PREX2: variants seen among roughly 807,000 people sequenced by gnomAD.
The protein encoded by PREX2 is phosphatidylinositol 3,4,5-trisphosphate-dependent Rac exchanger 2 protein.
In PREX2, 107 loss-of-function variants were observed where a neutral mutation model predicts 203.2. The ratio of observed to expected loss-of-function variants is 0.53; its 90% confidence interval spans 0.45 to 0.62. The LOEUF (loss-of-function observed/expected upper bound fraction) is 0.62. Among genes scored for constraint, PREX2 ranks in the 20% least tolerant of loss-of-function variants. The pLI, the probability that PREX2 is intolerant of heterozygous loss-of-function variation, is 0.00. For synonymous variants in PREX2, 672 were observed against 663.6 expected, an observed-to-expected ratio of 1.01 and a Z score of -0.19; for missense variants, 1,777 against 1,955.9, an observed-to-expected ratio of 0.91 and a Z score of 1.72.
At chr8:68,112,320 T>C (rs1457488959) in intron 25 of PREX2, among the ~76,000 whole-genome samples, 1 of 152,154 alleles carries the variant, frequency 6.6e-6, no homozygotes, top group African/African-American at 2.4e-5. Flanking sequence ...TCCAAAACCT[T>C]TGACAGGGTT....
chr8:68,087,953 T>A, intron 19 of PREX2, 144 bp downstream of exon 19: 1 of 629,506 alleles, frequency 1.6e-6, no homozygotes. Flanking sequence ...TGGTAGCACA[T>A]TCCAGAAACA....
In PREX2 at chr8:68,097,210, G is replaced by T; in HGVS notation, c.2553+9G>T. The T allele has an allele frequency of 6.3e-7, 1 of 1,586,816 alleles. No homozygotes were observed. On this transcript the variant is annotated intron_variant, in intron 22 of 39. Transcript: ENST00000288368. The stretch of plus-strand genomic sequence containing the variant: ...TCAGCTTAACTGCCAAGGTAGGAGC[G>T]ATGCTGAAGAAATAAGATTTTTTGT...
intron 35 of PREX2, among the ~76,000 whole-genome samples, chr8:68,182,087 G>A (rs1812096230): frequency 6.6e-6 from 1 of 152,038 alleles, no homozygotes; most frequent in Admixed American, 6.6e-5. Flanking sequence ...AATAAGCAAT[G>A]TTGAGTGACT....
chr8:67,996,920 G>T (rs1004428028), intron 1 of PREX2, among the ~76,000 whole-genome samples: 2 of 152,064 alleles, frequency 1.3e-5, no homozygotes, highest in Non-Finnish European at 2.9e-5. Context: ...AATTCAACTG[G>T]CATCTTATTA....
chr8:68,012,154 A>C (rs1249943608), intron 1 of PREX2, among the ~76,000 whole-genome samples: 2 of 152,306 alleles, frequency 1.3e-5, no homozygotes, highest in Middle Eastern at 3.4e-3. Flanking sequence ...CTTTCCCCTG[A>C]AAATTCCTGA....
chr8:68,023,304 T>C (rs1807622736), intron 4 of PREX2, among the ~76,000 whole-genome samples: 2 of 152,198 alleles, frequency 1.3e-5, no homozygotes, highest in South Asian at 4.1e-4. Context: ...TTTCAGTTTT[T>C]CTGATTATAG....
In PREX2 at chr8:68,123,258, C is replaced by T. The variant is rs375696037; in HGVS notation, c.3724+2209C>T. Among the ~76,000 whole-genome samples, 26 of 152,074 alleles carry T rather than the reference C, an allele frequency of 1.7e-4. No homozygotes were observed. In the East Asian group the frequency reaches 4.8e-3, roughly 28 times the overall value. ...AGGCAATGTTAAGAGGAAAATTTGT[C>T]GCACTAAATGCCCATATCCAAAAGT... On this transcript the variant is annotated intron_variant, in intron 30 of 39. Transcript: ENST00000288368.
intron 1 of PREX2, among the ~76,000 whole-genome samples, chr8:67,977,787 TG>T (rs1280295132): frequency 6.6e-6 from 1 of 152,124 alleles, no homozygotes; most frequent in Non-Finnish European, 1.5e-5. Flanking sequence ...GTACTAGGTT[TG>T]GGGGGCTTCT....
intron 35 of PREX2, among the ~76,000 whole-genome samples, chr8:68,163,694 C>T (rs1811696787): frequency 6.6e-6 from 1 of 152,118 alleles, no homozygotes. Context: ...TGCACTGAAT[C>T]CTGGATTCTC....
chr8:67,968,501 A>T (rs1297399869), intron 1 of PREX2, among the ~76,000 whole-genome samples: 2 of 152,212 alleles, frequency 1.3e-5, no homozygotes, highest in Admixed American at 6.5e-5. Flanking sequence ...GAATGGGTGA[A>T]TAATTATATT....
rs1212272798 is a variant in PREX2, at chr8:68,006,151, C to T, written c.142-11695C>T. Among the ~76,000 whole-genome samples the T allele has an allele frequency of 2.0e-5, 3 of 152,206 alleles. No individual in the cohort carries two copies. The East Asian group carries it at 5.8e-4, about 29-fold the overall frequency. On this transcript the variant is annotated intron_variant, in intron 1 of 39. Coordinates refer to ENST00000288368, the MANE Select transcript of PREX2 (RefSeq NM_024870.4). ...CTGGTCCCCTAAGCTCCTGTATGTT[C>T]AGCCTCCCCAACTGCCCTGGTGCAG...
At chr8:67,986,969 T>C (rs968679618) in intron 1 of PREX2, among the ~76,000 whole-genome samples, 2 of 151,860 alleles carry the variant, frequency 1.3e-5, no homozygotes, top group Non-Finnish European at 2.9e-5. Context: ...ATGGAGACCA[T>C]GGTGAAACCC....
At chr8:67,987,744 A>G (rs994522916) in intron 1 of PREX2, among the ~76,000 whole-genome samples, 1 of 151,414 alleles carries the variant, frequency 6.6e-6, no homozygotes, top group Non-Finnish European at 1.5e-5. Context: ...TAATGCTCAC[A>G]CTCCATCTTC....
chr8:68,171,101 T>C (rs1811867869), intron 35 of PREX2, among the ~76,000 whole-genome samples: 1 of 152,176 alleles, frequency 6.6e-6, no homozygotes, highest in African/African-American at 2.4e-5. Flanking sequence ...ACTGAGATTA[T>C]TTTTGCATGA....
intron 37 of PREX2, among the ~76,000 whole-genome samples, chr8:68,199,942 C>T (rs1400242413): frequency 2.6e-5 from 4 of 152,058 alleles, no homozygotes; most frequent in South Asian, 2.1e-4. Context: ...ACAATGAAGA[C>T]GTATTAAGTA....
At chr8:68,108,670 C>T (rs1163466892) in intron 24 of PREX2, among the ~76,000 whole-genome samples, 1 of 152,160 alleles carries the variant, frequency 6.6e-6, no homozygotes, top group Non-Finnish European at 1.5e-5. Context: ...TGCAGCAATG[C>T]ACAGTGCCAT....
chr8:68,003,225 A>C (rs1481601641), intron 1 of PREX2, among the ~76,000 whole-genome samples: 1 of 151,986 alleles, frequency 6.6e-6, no homozygotes, highest in Non-Finnish European at 1.5e-5. Flanking sequence ...TTTGTTGCCC[A>C]GGCTGGACTC....
chr8:68,149,662 CA>C (rs1811395090), intron 34 of PREX2, among the ~76,000 whole-genome samples: 1 of 152,190 alleles, frequency 6.6e-6, no homozygotes. Context: ...CCTGATCTGT[CA>C]GTGGTTTTCA....
intron 37 of PREX2, among the ~76,000 whole-genome samples, chr8:68,206,687 A>G (rs1812632109): frequency 6.6e-6 from 1 of 152,204 alleles, no homozygotes; most frequent in South Asian, 2.1e-4. Context: ...TAGGATTTAA[A>G]AAGAATTAGA....
Sources: allele counts gnomAD v4.1 joint callset (sites outside exome capture counted in the v4.1 genomes callset), GRCh38; gene constraint gnomAD v4.1.1; transcripts MANE v1.5; gene names NCBI Gene and HGNC (gene_info 2026-07-23, HGNC 2026-07-21).